RB1: variants seen among roughly 807,000 people sequenced by gnomAD.
The protein encoded by RB1 is retinoblastoma-associated protein.
A neutral mutation model predicts 135.4 loss-of-function variants in RB1; 18 were observed. That is an observed-to-expected ratio of 0.13 (90% CI 0.09 to 0.20). RB1 has a LOEUF of 0.20. RB1 is among the 10% of genes least tolerant of loss of function. The pLI, the probability that RB1 is intolerant of heterozygous loss-of-function variation, is 1.00. For missense variants in RB1, 868 were observed against 1,110.0 expected, an observed-to-expected ratio of 0.78 and a Z score of 3.10; for synonymous variants, 365 against 373.2, an observed-to-expected ratio of 0.98 and a Z score of 0.25.
chr13:48,365,879 A>C lies in RB1; in HGVS notation c.939+908A>C, dbSNP rs536990553. On this transcript the variant is annotated intron_variant, in intron 9 of 26. Coordinates refer to ENST00000267163, the MANE Select transcript of RB1 (RefSeq NM_000321.3). The stretch of plus-strand genomic sequence containing the variant: ...TACAGGAGTCTACAAGAGTGTGAAA[A>C]AAGTATTCACAGGGTTCTGTGATAT... 2.6e-5 allele frequency among the ~76,000 whole-genome samples: 4 copies of C among 152,338 alleles called. No individual in the cohort carries two copies. In the South Asian group the frequency reaches 8.3e-4, roughly 32 times the overall value.
At chr13:48,446,464 G>A (rs1007561437) in intron 17 of RB1, among the ~76,000 whole-genome samples, 3 of 152,146 alleles carry the variant, frequency 2.0e-5, no homozygotes, top group Admixed American at 6.5e-5. Context: ...TTGCTTGCTA[G>A]TAGCGAGATA....
intron 1 of RB1, among the ~76,000 whole-genome samples, chr13:48,305,326 T>C (rs1350135398): frequency 6.6e-6 from 1 of 152,222 alleles, no homozygotes; most frequent in African/African-American, 2.4e-5. Flanking sequence ...GACTGTCTTA[T>C]AGGTCAGTTA....
chr13:48,364,779 AT>A, intron 8 of RB1, 114 bp from the exon 9 acceptor site: 1 of 1,228,958 alleles, frequency 8.1e-7, no homozygotes, highest in Non-Finnish European at 1.1e-6. Flanking sequence ...TTATACACAG[AT>A]TTTTTACTGC....
intron 17 of RB1, among the ~76,000 whole-genome samples, chr13:48,399,335 A>G (rs2138177209): frequency 1.3e-5 from 2 of 152,158 alleles, no homozygotes; most frequent in Non-Finnish European, 2.9e-5. Context: ...AAAGAAGGCA[A>G]TATCTTAGGA....
chr13:48,365,097 C>T, intron 9 of RB1, 126 bp downstream of exon 9: 1 of 1,198,106 alleles, frequency 8.3e-7, no homozygotes, highest in Non-Finnish European at 1.1e-6. Context: ...AGAATCTAGC[C>T]AAGTAGAATT....
chr13:48,314,135 C>T (rs373957356), intron 2 of RB1, among the ~76,000 whole-genome samples: 19 of 152,106 alleles, frequency 1.2e-4, no homozygotes, highest in African/African-American at 3.1e-4. Flanking sequence ...AGTGTGAGTT[C>T]GACAACTTTG....
chr13:48,392,775 A>G (rs1443070528), intron 17 of RB1, among the ~76,000 whole-genome samples: 1 of 150,834 alleles, frequency 6.6e-6, no homozygotes, highest in African/African-American at 2.4e-5. Flanking sequence ...TCTTTTTTTT[A>G]AGAGTCGTAT....
intron 17 of RB1, among the ~76,000 whole-genome samples, chr13:48,418,139 G>C (rs993350465): frequency 3.9e-5 from 6 of 152,094 alleles, no homozygotes; most frequent in Non-Finnish European, 8.8e-5. Flanking sequence ...GAGAAAGGTC[G>C]GGTTACCTAC....
intron 17 of RB1, chr13:48,411,434 T>C (rs1328958817): frequency 6.2e-7 from 1 of 1,613,146 alleles, no homozygotes; most frequent in East Asian, 2.2e-5. Context: ...TTAAGGTCTG[T>C]AGGTTATGCT....
At chr13:48,356,195 C>A (rs1952589459) in intron 6 of RB1, among the ~76,000 whole-genome samples, 1 of 151,824 alleles carries the variant, frequency 6.6e-6, no homozygotes, top group South Asian at 2.1e-4. Flanking sequence ...GTACTATGTA[C>A]CCACAAAAAT....
chr13:48,377,728 A>G (rs1952842271), intron 13 of RB1, among the ~76,000 whole-genome samples: 1 of 152,168 alleles, frequency 6.6e-6, no homozygotes, highest in Non-Finnish European at 1.5e-5. Context: ...TGCACCACTT[A>G]ACAGGGATAT....
At chr13:48,362,978 C>A (rs1438016791) in intron 8 of RB1, 21 bp downstream of exon 8, 1 of 1,605,844 alleles carries the variant, frequency 6.2e-7, no homozygotes. Flanking sequence ...TTCATGATTT[C>A]TTTAAAACAG....
intron 2 of RB1, chr13:48,320,036 G>A: frequency 2.1e-6 from 1 of 486,764 alleles, no homozygotes. Context: ...GCCCCTGCCA[G>A]CCCCGGGCTG....
Position 48,342,686 on chromosome 13 carries a change from A to T in RB1, c.352A>T (p.Thr118Ser), listed in dbSNP as rs1429553692. ...CCTAGATGAGATGTCGTTCACTTTT[A>T]CTGAGCTACAGAAAAACATAGAAAT... ...VDLDEMSFTF[T>S]ELQKNIEISV... Residue 118 changes from threonine (T) to serine (S), a missense_variant, in exon 3 of 27, where the codon ACT (threonine) becomes TCT (serine). Transcript: ENST00000267163. 6 of 1,608,792 alleles carry T rather than the reference A, an allele frequency of 3.7e-6. No homozygotes were observed. Among genetic ancestry groups the T allele is most frequent in the Non-Finnish European group, 5.1e-6 (6 of 1,175,460 alleles).
chr13:48,479,763 A>G (rs1333243847), intron 26 of RB1, among the ~76,000 whole-genome samples: 3 of 152,206 alleles, frequency 2.0e-5, no homozygotes, highest in East Asian at 1.9e-4. Context: ...ATTGGGATAT[A>G]TATCACCTCA....
intron 12 of RB1, among the ~76,000 whole-genome samples, chr13:48,374,240 C>T (rs959546500): frequency 1.4e-4 from 21 of 152,066 alleles, no homozygotes; most frequent in South Asian, 8.3e-4. Flanking sequence ...CCCTCTCTCC[C>T]CTAAAGACAA....
intron 2 of RB1, chr13:48,328,093 C>A: frequency 2.3e-6 from 2 of 876,834 alleles, no homozygotes; most frequent in South Asian, 1.3e-5. Context: ...TTGTCTTGGT[C>A]ATAGACATTT....
At chr13:48,318,572 G>A (rs951862856) in intron 2 of RB1, 1 of 665,148 alleles carries the variant, frequency 1.5e-6, no homozygotes, top group South Asian at 1.8e-5. Context: ...TGCCCTGGAC[G>A]GGCAGGTCCC....
intron 17 of RB1, among the ~76,000 whole-genome samples, chr13:48,409,101 G>A (rs1008577267): frequency 1.3e-5 from 2 of 151,068 alleles, no homozygotes; most frequent in East Asian, 3.9e-4. Flanking sequence ...GGGATATAAA[G>A]GACCATGGTT....
Sources: allele counts gnomAD v4.1 joint callset (sites outside exome capture counted in the v4.1 genomes callset), GRCh38; gene constraint gnomAD v4.1.1; transcripts MANE v1.5; gene names NCBI Gene and HGNC (gene_info 2026-07-23, HGNC 2026-07-21).